CHIC1: variants seen among roughly 807,000 people sequenced by gnomAD.
CHIC1 encodes the protein cysteine rich hydrophobic domain 1, also known as cysteine-rich hydrophobic domain-containing protein 1.
Under a neutral mutation model 18.5 loss-of-function variants are expected in CHIC1, and 7 were observed. The ratio of observed to expected loss-of-function variants is 0.38; its 90% CI spans 0.22 to 0.71. The LOEUF (loss-of-function observed/expected upper bound fraction) is 0.71. CHIC1 is among the 30% of genes least tolerant of loss of function. CHIC1 has a pLI of 0.49. For missense variants in CHIC1, 159 were observed against 176.9 expected (o/e 0.90, Z 0.57); for synonymous variants, 77 against 73.5 (o/e 1.05, Z -0.25).
chrX:73,564,887 C>T (rs1031400058), intron 1 of CHIC1, among the ~76,000 whole-genome samples: 28 of 103,405 alleles, frequency 2.7e-4, no homozygotes, highest in Non-Finnish European at 4.5e-4. Flanking sequence ...GCCTCTGCCT[C>T]CCAGGTTCAA....
chrX:73,655,641 G>A (rs1569504818), intron 3 of CHIC1, among the ~76,000 whole-genome samples: 2 of 9,417 alleles, frequency 2.1e-4, no homozygotes, highest in Non-Finnish European at 8.4e-4. Context: ...TAGTGTGTGT[G>A]TGTGTGTGTA....
At chrX:73,583,084 A>G (rs1179870017) in intron 2 of CHIC1, among the ~76,000 whole-genome samples, 1 of 111,366 alleles carries the variant, frequency 9.0e-6, no homozygotes, top group African/African-American at 3.2e-5. Flanking sequence ...TGGAGAATGA[A>G]ATTAGTTTAC....
Position 73,685,671 on chromosome X carries a change from A to G in CHIC1, c.*4666A>G, listed in dbSNP as rs1407447087. ...ACAGGGGAATTGAGGATATTTTCAT[A>G]TATTAGTGTGCTTTGAAGTTGACTG... is the stretch of plus-strand genomic sequence containing the variant. On this transcript the variant is annotated 3_prime_UTR_variant, in exon 6 of 6. Transcript: ENST00000373502. The G allele has an allele frequency of 9.0e-6, 1 of 111,592 alleles. No homozygotes were observed. Among genetic ancestry groups the G allele is most frequent in the African/African-American group, 3.2e-5 (1 of 30,773 alleles). The allele number at this position is 111,592 out of a possible 1,213,427, so 9.2% of individuals were successfully genotyped here. A position where few individuals can be genotyped will look rare whatever the true frequency, so the allele number is the denominator to read the frequency against.
chrX:73,637,859 G>C (rs1245738641), intron 3 of CHIC1, among the ~76,000 whole-genome samples: 8 of 111,166 alleles, frequency 7.2e-5, no homozygotes, highest in Non-Finnish European at 1.3e-4. Flanking sequence ...GAACTTTCTT[G>C]TGGATGTTTT....
chrX:73,651,545 A>G (rs1241244557), intron 3 of CHIC1, among the ~76,000 whole-genome samples: 1 of 111,264 alleles, frequency 9.0e-6, no homozygotes, highest in African/African-American at 3.3e-5. Context: ...AGGATACAAA[A>G]TCAATGTGCA....
chrX:73,627,675 C>T (rs747864905), intron 3 of CHIC1, among the ~76,000 whole-genome samples: 2 of 111,562 alleles, frequency 1.8e-5, no homozygotes, highest in South Asian at 3.8e-4. Context: ...GTGAAAGCTG[C>T]CCAGCCTTCA....
Position 73,644,618 on chromosome X carries a change from G to A in CHIC1, c.508-34708G>A, listed in dbSNP as rs1373589234. ...CCTCCCCCAGCCTCACTGCCGCCTT[G>A]CATTTTGATCTCAGACTGCTGGGCT... On this transcript the variant is annotated intron_variant, in intron 3 of 5. Transcript: ENST00000373502. Among the ~76,000 whole-genome samples, 6 of 112,333 alleles carry A rather than the reference G, an allele frequency of 5.3e-5. No individual in the cohort carries two copies. In the Admixed American group the frequency reaches 5.6e-4, roughly 11 times the overall value.
chrX:73,601,715 C>A (rs2057651564), intron 3 of CHIC1, among the ~76,000 whole-genome samples: 1 of 103,346 alleles, frequency 9.7e-6, no homozygotes, highest in Non-Finnish European at 1.9e-5. Flanking sequence ...AAAATCAGAG[C>A]AGAACTGAAG....
At chrX:73,655,504 A>G (rs868816180) in intron 3 of CHIC1, among the ~76,000 whole-genome samples, 4 of 82,745 alleles carry the variant, frequency 4.8e-5, no homozygotes, top group African/African-American at 1.4e-4. Flanking sequence ...GTATATATAT[A>G]TACATATATA....
intron 3 of CHIC1, among the ~76,000 whole-genome samples, chrX:73,644,694 A>G (rs1569504059): frequency 8.9e-6 from 1 of 112,761 alleles, no homozygotes. Context: ...CAGGTGCAGT[A>G]TATAATCTCC....
At chrX:73,640,609 A>G (rs758948550) in intron 3 of CHIC1, among the ~76,000 whole-genome samples, 227 of 111,351 alleles carry the variant, frequency 2.0e-3, no homozygotes, top group African/African-American at 7.1e-3. Flanking sequence ...GAATTTGTCC[A>G]TTTCTTCTAA....
intron 1 of CHIC1, among the ~76,000 whole-genome samples, chrX:73,569,941 T>C (rs1404267929): frequency 9.0e-6 from 1 of 111,577 alleles, no homozygotes; most frequent in African/African-American, 3.2e-5. Context: ...ATTTCTAATA[T>C]ACTTTTTATA....
chrX:73,637,589 A>G (rs1180151567), intron 3 of CHIC1, among the ~76,000 whole-genome samples: 1 of 109,948 alleles, frequency 9.1e-6, no homozygotes, highest in Non-Finnish European at 1.9e-5. Context: ...CAGTAACTTC[A>G]TTGTCCTAAC....
rs770070400 is a variant in CHIC1 at position 73,685,202 on chromosome X, C to T, written c.*4197C>T. ...TGCATGCAGTAAAAGTTTGATTTGC[C>T]GACTGGCTGACGTGTTAATTATCAC... is the stretch of plus-strand genomic sequence containing the variant. On this transcript the variant is annotated 3_prime_UTR_variant, in exon 6 of 6. Transcript: ENST00000373502. 1.4e-4 allele frequency: 15 copies of T among 109,056 alleles called. No individual in the cohort carries two copies. Among genetic ancestry groups the T allele is most frequent in the African/African-American group, 4.9e-4 (14 of 28,543 alleles). The allele number at this position is 109,056 out of a possible 1,213,427, so 9.0% of individuals were successfully genotyped here.
chrX:73,627,691 C>T (rs2057790040), intron 3 of CHIC1, among the ~76,000 whole-genome samples: 2 of 111,552 alleles, frequency 1.8e-5, no homozygotes, highest in African/African-American at 3.3e-5. Context: ...CTTCAAATCA[C>T]CCTTCAGGGC....
At chrX:73,631,538 C>G (rs954246219) in intron 3 of CHIC1, among the ~76,000 whole-genome samples, 1 of 109,734 alleles carries the variant, frequency 9.1e-6, no homozygotes, top group African/African-American at 3.3e-5. Flanking sequence ...GAGGCTGAGG[C>G]AGGAGAATCA....
chrX:73,635,638 T>C (rs1364730962), intron 3 of CHIC1, among the ~76,000 whole-genome samples: 1 of 112,056 alleles, frequency 8.9e-6, no homozygotes, highest in Non-Finnish European at 1.9e-5. Context: ...GGCTAGCCAA[T>C]TTGCATATAG....
At chrX:73,662,862 A>G (rs1167169489) in intron 3 of CHIC1, among the ~76,000 whole-genome samples, 1 of 111,619 alleles carries the variant, frequency 9.0e-6, no homozygotes, top group Non-Finnish European at 1.9e-5. Flanking sequence ...CATCCATAAA[A>G]TGAATAATTG....
intron 3 of CHIC1, among the ~76,000 whole-genome samples, chrX:73,670,501 TA>T (rs1158443261): frequency 9.9e-5 from 11 of 111,162 alleles, no homozygotes; most frequent in Admixed American, 1.9e-4. Context: ...TGATCTATAT[TA>T]TTTTTTCTAC....
Sources: gnomAD v4.1 joint callset for allele counts (sites outside exome capture counted in the v4.1 genomes callset) on GRCh38, gnomAD v4.1.1 for gene constraint, MANE v1.5 for transcripts, NCBI Gene and HGNC (gene_info 2026-07-23, HGNC 2026-07-21) for gene names.